The following GABRG2 variants were observed in gnomAD, a reference collection of about 807,000 sequenced individuals.
The protein encoded by GABRG2 is gamma-aminobutyric acid type A receptor subunit gamma2.
GABRG2 carries 16 observed loss-of-function variants against 56.4 expected under a neutral mutation model. The ratio of observed to expected loss-of-function variants is 0.28; its 90% CI spans 0.19 to 0.43. GABRG2 has a LOEUF of 0.43. GABRG2 is among the 20% of genes least tolerant of loss of function. GABRG2 has a pLI of 1.00. For synonymous variants in GABRG2, 208 were observed against 205.5 expected, an observed-to-expected ratio of 1.01 and a Z score of -0.10; for missense variants, 327 against 582.7, an observed-to-expected ratio of 0.56 and a Z score of 4.52.
chr5:162,079,502 A>C (rs1759475176), intron 1 of GABRG2, among the ~76,000 whole-genome samples: 1 of 152,134 alleles, frequency 6.6e-6, no homozygotes, highest in Non-Finnish European at 1.5e-5. Context: ...CGTTTTATTA[A>C]TTCCTACCCA....
intron 7 of GABRG2, among the ~76,000 whole-genome samples, chr5:162,146,812 C>T (rs915796449): frequency 6.6e-6 from 1 of 152,188 alleles, no homozygotes; most frequent in Non-Finnish European, 1.5e-5. Context: ...AAAGGCTACC[C>T]TTCCTCTATA....
At chr5:162,095,867 A>G (rs999754540) in intron 3 of GABRG2, among the ~76,000 whole-genome samples, 1 of 152,058 alleles carries the variant, frequency 6.6e-6, no homozygotes, top group Admixed American at 6.6e-5. Context: ...ATAGTACTCA[A>G]CTACTTATTA....
intron 6 of GABRG2, among the ~76,000 whole-genome samples, chr5:162,123,448 A>G (rs1457685222): frequency 1.3e-5 from 2 of 151,882 alleles, no homozygotes; most frequent in African/African-American, 4.8e-5. Context: ...AAATTTTCAT[A>G]TGGAACTTGA....
chr5:162,079,956 T>C (rs1759518346), intron 1 of GABRG2, among the ~76,000 whole-genome samples: 1 of 152,086 alleles, frequency 6.6e-6, no homozygotes, highest in Non-Finnish European at 1.5e-5. Context: ...ATTTTTGCAT[T>C]TTTAAACCCA....
chr5:162,087,006 C>T (rs141417115), intron 1 of GABRG2, among the ~76,000 whole-genome samples: 9 of 152,062 alleles, frequency 5.9e-5, no homozygotes, highest in African/African-American at 2.2e-4. Flanking sequence ...TCATTATTAG[C>T]AGATAATGCC....
chr5:162,123,025 A>G (rs936449167), intron 6 of GABRG2, among the ~76,000 whole-genome samples: 2 of 151,776 alleles, frequency 1.3e-5, no homozygotes, highest in Non-Finnish European at 3.0e-5. Context: ...AGCTTCTGGC[A>G]CAGTCAAGAA....
chr5:162,087,387 G>A (rs1760206278), intron 1 of GABRG2, among the ~76,000 whole-genome samples: 1 of 152,110 alleles, frequency 6.6e-6, no homozygotes, highest in African/African-American at 2.4e-5. Context: ...TCTAGCCACT[G>A]ATATCAGTTT....
chr5:162,152,999 G>T, intron 9 of GABRG2, 94 bp from the exon 10 acceptor site: 2 of 1,448,372 alleles, frequency 1.4e-6, no homozygotes, highest in African/African-American at 1.4e-5. Context: ...CCCATTTTCA[G>T]ATTCATCATC....
At chr5:162,095,180 C>A (rs1760904531) in intron 2 of GABRG2, among the ~76,000 whole-genome samples, 1 of 152,092 alleles carries the variant, frequency 6.6e-6, no homozygotes, top group African/African-American at 2.4e-5. Flanking sequence ...TGGTAAAATT[C>A]AAGATATCTG....
intron 4 of GABRG2, chr5:162,100,444 T>TTA (rs1443654157): frequency 6.6e-6 from 1 of 152,128 alleles, no homozygotes; most frequent in Non-Finnish European, 1.5e-5. Flanking sequence ...CAATTTGAGA[T>TTA]TATATTCATA....
chr5:162,086,994 G>A (rs2113243360), intron 1 of GABRG2, among the ~76,000 whole-genome samples: 1 of 152,080 alleles, frequency 6.6e-6, no homozygotes, highest in African/African-American at 2.4e-5. Flanking sequence ...TACAGAAAAT[G>A]TTCATTATTA....
At chr5:162,072,467 C>T (rs543602595) in intron 1 of GABRG2, among the ~76,000 whole-genome samples, 88 of 152,102 alleles carry the variant, frequency 5.8e-4, no homozygotes, top group Non-Finnish European at 1.1e-3. Flanking sequence ...CTGTGGGTGT[C>T]GGCACAATTC....
chr5:162,078,397 ATTT>A (rs869191596), intron 1 of GABRG2, among the ~76,000 whole-genome samples: 6 of 30,678 alleles, frequency 2.0e-4, no homozygotes, highest in East Asian at 1.1e-3. Flanking sequence ...ATATATATAT[ATTT>A]TTTTTTTTTT....
At chr5:162,081,783 T>C (rs924979790) in intron 1 of GABRG2, among the ~76,000 whole-genome samples, 7 of 151,948 alleles carry the variant, frequency 4.6e-5, no homozygotes, top group Admixed American at 3.9e-4. Context: ...GTGGTGAGGA[T>C]GTGAAGCAAC....
chr5:162,103,147 C>CA lies in GABRG2; in HGVS notation c.632-742_632-741insA, dbSNP rs1355563069. 2.6e-5 allele frequency: 4 copies of CA among 153,630 alleles called. No individual in the cohort carries two copies. The East Asian group carries it at 7.7e-4, about 30-fold the overall frequency. The allele number at this position is 153,630 out of a possible 1,614,324, so 9.5% of individuals were successfully genotyped here. A position where few individuals can be genotyped will look rare whatever the true frequency, so the allele number is the denominator to read the frequency against. On this transcript the variant is annotated intron_variant, in intron 5 of 9. Transcript: ENST00000639213. ...TGTGAGATAAGTACTATTATCCTCC[C>CA]TATAAGAGGACAAACAATTTAGGAG...
intron 6 of GABRG2, among the ~76,000 whole-genome samples, chr5:162,138,835 T>G (rs1764334553): frequency 6.6e-6 from 1 of 152,178 alleles, no homozygotes; most frequent in South Asian, 2.1e-4. Flanking sequence ...CTTTCATGAC[T>G]GGTAACTTGA....
Position 162,154,491 on chromosome 5 carries a change from A to G in GABRG2, c.*1123A>G, listed in dbSNP as rs1765587125. 6.6e-6 allele frequency: 1 copy of G among 152,216 alleles called. No homozygotes were observed. The highest frequency in any genetic ancestry group is 1.5e-5 in the Non-Finnish European group (1 of 68,028). The allele number at this position is 152,216 out of a possible 1,614,324, so 9.4% of individuals were successfully genotyped here. A position where few individuals can be genotyped will look rare whatever the true frequency, so the allele number is the denominator to read the frequency against. Reference sequence around the variant, plus strand: ...TGAAACCAGTGACTCATCTTCTCACATAGGTGTTGTCAAGTGATATTTGAT... The same window carrying G: ...TGAAACCAGTGACTCATCTTCTCACGTAGGTGTTGTCAAGTGATATTTGAT... On this transcript the variant is annotated 3_prime_UTR_variant, in exon 10 of 10. Coordinates refer to ENST00000639213, the MANE Select transcript of GABRG2 (RefSeq NM_198904.4).
chr5:162,112,931 G>T (rs954343548), intron 6 of GABRG2, among the ~76,000 whole-genome samples: 1 of 151,850 alleles, frequency 6.6e-6, no homozygotes, highest in Non-Finnish European at 1.5e-5. Context: ...TTTTTTGTTT[G>T]CTTTTATTTT....
In GABRG2 at chr5:162,095,518, G is replaced by T. The variant is rs1364230304; in HGVS notation, c.283G>T (p.Asp95Tyr). Residue 95 changes from aspartate to tyrosine, a missense_variant, in exon 3 of 10, where the codon GAC becomes TAC. Around this residue, in one of 4 missense-constraint regions of GABRG2, gnomAD observed 104 missense variants for 209.3 expected, o/e 0.50. Coordinates refer to ENST00000639213, the MANE Select transcript of GABRG2 (RefSeq NM_198904.4). The part of the protein sequence containing the change: ...IGVKPTLIHT[D>Y]MYVNSIGPVN... The stretch of plus-strand genomic sequence containing the variant: ...AGTGAAGCCAACGTTAATTCACACA[G>T]ACATGTATGTGAATAGCATTGGTCC... The T allele has an allele frequency of 1.2e-6, 2 of 1,608,558 alleles. No individual in the cohort carries two copies. Among genetic ancestry groups the T allele is most frequent in the East Asian group, 4.5e-5 (2 of 44,644 alleles).
Sources: gnomAD v4.1 joint callset for allele counts (sites outside exome capture counted in the v4.1 genomes callset) on GRCh38, gnomAD v4.1.1 for gene constraint, gnomAD v4.1.1 regional missense constraint, MANE v1.5 for transcripts, NCBI Gene and HGNC (gene_info 2026-07-23, HGNC 2026-07-21) for gene names.